ABL2: variants seen among roughly 807,000 people sequenced by gnomAD.
ABL2 encodes the protein ABL proto-oncogene 2, non-receptor tyrosine kinase.
In ABL2, 49 loss-of-function variants were observed where a neutral mutation model predicts 107.7. The observed-to-expected ratio is 0.45, with a 90% CI of 0.36 to 0.58. The LOEUF is 0.58. Ranked by LOEUF, ABL2 falls within the 20% of genes least tolerant of loss-of-function variation. The pLI is 0.00. For synonymous variants in ABL2, 549 were observed against 548.6 expected, an observed-to-expected ratio of 1.00 and a Z score of -0.01; for missense variants, 1,245 against 1,457.0, an observed-to-expected ratio of 0.85 and a Z score of 2.37.
chr1:179,205,950 A>G (rs1661948618), intron 1 of ABL2, among the ~76,000 whole-genome samples: 1 of 152,214 alleles, frequency 6.6e-6, no homozygotes, highest in African/African-American at 2.4e-5. Context: ...AGCACTTTAT[A>G]TAGCTTAACT....
intron 1 of ABL2, among the ~76,000 whole-genome samples, chr1:179,147,550 T>G (rs1658081908): frequency 6.6e-6 from 1 of 152,302 alleles, no homozygotes; most frequent in Middle Eastern, 3.4e-3. Flanking sequence ...AAGAATAAAA[T>G]CATGTATTTT....
intron 10 of ABL2, chr1:179,110,729 TG>T: frequency 6.2e-7 from 1 of 1,612,360 alleles, no homozygotes; most frequent in Non-Finnish European, 8.5e-7. Context: ...CTCCTCTTGA[TG>T]GATGTTTAGG....
intron 1 of ABL2, among the ~76,000 whole-genome samples, chr1:179,212,776 G>T (rs1204762398): frequency 6.6e-6 from 1 of 150,538 alleles, no homozygotes; most frequent in Non-Finnish European, 1.5e-5. Context: ...GCTGGGCGTG[G>T]TGGCTCATGC....
At chr1:179,143,522 A>G (rs1657770876) in intron 1 of ABL2, among the ~76,000 whole-genome samples, 1 of 152,224 alleles carries the variant, frequency 6.6e-6, no homozygotes, top group Admixed American at 6.5e-5. Flanking sequence ...ATAGTTCAAG[A>G]AACCACAAAG....
chr1:179,229,637 G>GCCGCCGCCGCCGCCGCCGCCGCCGCCA lies in ABL2; in HGVS notation c.-241_-240insTGGCGGCGGCGGCGGCGGCGGCGGCGG, dbSNP rs1558014337. The GCCGCCGCCGCCGCCGCCGCCGCCGCCA allele has an allele frequency of 8.2e-6, 4 of 485,774 alleles. No individual in the cohort carries two copies. The highest frequency in any genetic ancestry group is 1.4e-5 in the Non-Finnish European group (4 of 280,968). The allele number at this position is 485,774 out of a possible 1,614,324, so 30.1% of individuals were successfully genotyped here. A position where few individuals can be genotyped will look rare whatever the true frequency, so the allele number is the denominator to read the frequency against. On this transcript the variant is annotated 5_prime_UTR_variant, in exon 1 of 12. Coordinates refer to ENST00000502732, the MANE Select transcript of ABL2 (RefSeq NM_007314.4). The stretch of plus-strand genomic sequence containing the variant: ...GTCGCGGCTCCGCGCCCCCAACGCC[G>GCCGCCGCCGCCGCCGCCGCCGCCGCCA]CCGCCGCCGCCGCCGCCACCGCCGC...
At chr1:179,198,078 T>C (rs918657234) in intron 1 of ABL2, among the ~76,000 whole-genome samples, 20 of 147,168 alleles carry the variant, frequency 1.4e-4, no homozygotes, top group African/African-American at 5.1e-4. Context: ...CAGGCTGAAG[T>C]GCGACGGTCC....
intron 1 of ABL2, among the ~76,000 whole-genome samples, chr1:179,173,162 C>T (rs746486991): frequency 6.7e-6 from 1 of 150,086 alleles, no homozygotes; most frequent in Non-Finnish European, 1.5e-5. Context: ...TGCACTCCAG[C>T]CTGGGCGACA....
Position 179,229,596 on chromosome 1 carries a change from G to A in ABL2, c.-199C>T. On this transcript the variant is annotated 5_prime_UTR_variant, in exon 1 of 12. An upstream open reading frame in the 5' UTR gains an earlier in-frame stop. Coordinates refer to ENST00000502732, the MANE Select transcript of ABL2 (RefSeq NM_007314.4). The stretch of plus-strand genomic sequence containing the variant: ...TGCCTCCAGGCGACTCACAGATTCT[G>A]CTTTTCCCTCCTCCTGTCGCGGCTC... The A allele has an allele frequency of 1.8e-6, 1 of 556,562 alleles. No individual in the cohort carries two copies. Among genetic ancestry groups the A allele is most frequent in the African/African-American group, 2.0e-5 (1 of 49,832 alleles). The allele number at this position is 556,562 out of a possible 1,614,324, so 34.5% of individuals were successfully genotyped here.
intron 1 of ABL2, among the ~76,000 whole-genome samples, chr1:179,162,187 A>G (rs542511857): frequency 7.2e-5 from 11 of 152,376 alleles, no homozygotes; most frequent in Admixed American, 5.9e-4. Flanking sequence ...TCACAAGTCA[A>G]GTGTTCCATA....
At chr1:179,186,761 G>A (rs1007282004) in intron 1 of ABL2, among the ~76,000 whole-genome samples, 34 of 150,938 alleles carry the variant, frequency 2.3e-4, no homozygotes, top group African/African-American at 8.1e-4. Flanking sequence ...TTTATTTACA[G>A]AGTCTCGTTC....
At chr1:179,220,298 C>T (rs982256201) in intron 1 of ABL2, among the ~76,000 whole-genome samples, 1 of 152,190 alleles carries the variant, frequency 6.6e-6, no homozygotes, top group African/African-American at 2.4e-5. Flanking sequence ...TCTTCAAAAG[C>T]TCTAAAAACT....
At chr1:179,205,973 G>C (rs1166545663) in intron 1 of ABL2, among the ~76,000 whole-genome samples, 1 of 152,054 alleles carries the variant, frequency 6.6e-6, no homozygotes, top group Non-Finnish European at 1.5e-5. Context: ...TTTAATCCTT[G>C]CATCAGCCCT....
At chr1:179,162,534 G>A (rs1022117002) in intron 1 of ABL2, among the ~76,000 whole-genome samples, 4 of 152,132 alleles carry the variant, frequency 2.6e-5, no homozygotes, top group South Asian at 2.1e-4. Context: ...GCAGTGAGCC[G>A]AGATCAAGCC....
At chr1:179,207,983 G>T (rs970102921) in intron 1 of ABL2, among the ~76,000 whole-genome samples, 1 of 151,754 alleles carries the variant, frequency 6.6e-6, no homozygotes, top group East Asian at 1.9e-4. Context: ...TTTTGAATAA[G>T]TATTTTCCTG....
At position 179,104,513 on chromosome 1, in the gene ABL2, C is replaced by T; in HGVS notation, c.*3205G>A. On this transcript the variant is annotated 3_prime_UTR_variant, in exon 12 of 12. Transcript: ENST00000502732. ...TGGTAAAGGGTCTCCACTATAATGA[C>T]CTCTATGTACAGAGGTCATCTAGAA... 4.8e-6 allele frequency: 1 copy of T among 210,504 alleles called. No homozygotes were observed. The highest frequency in any genetic ancestry group is 9.6e-6 in the Non-Finnish European group (1 of 103,632). The allele number at this position is 210,504 out of a possible 1,614,324, so 13.0% of individuals were successfully genotyped here.
At chr1:179,111,497 G>A (rs1043078649) in intron 10 of ABL2, among the ~76,000 whole-genome samples, 1 of 150,962 alleles carries the variant, frequency 6.6e-6, no homozygotes, top group Non-Finnish European at 1.5e-5. Context: ...TGTTGGCCAC[G>A]CTAGTCTCCA....
intron 10 of ABL2, among the ~76,000 whole-genome samples, chr1:179,111,751 A>AC (rs1181539779): frequency 2.0e-5 from 3 of 152,170 alleles, no homozygotes; most frequent in African/African-American, 7.2e-5. Context: ...CCATGTCAAT[A>AC]TATCCAAGAA....
intron 4 of ABL2, among the ~76,000 whole-genome samples, chr1:179,124,125 C>T (rs1459650242): frequency 6.6e-6 from 1 of 151,704 alleles, no homozygotes; most frequent in Non-Finnish European, 1.5e-5. Flanking sequence ...CCTGTAGTCC[C>T]AGCTATTGAG....
chr1:179,229,643 G>GCCGCCGCCGCCGCCGCCGCCGCCA lies in ABL2; in HGVS notation c.-247_-246insTGGCGGCGGCGGCGGCGGCGGCGG, dbSNP rs1553236273. ...GCTCCGCGCCCCCAACGCCGCCGCCGCCGCCGCCGCCACCGCCGCCGCCAT... is the reference window on the plus strand; with the variant it reads ...GCTCCGCGCCCCCAACGCCGCCGCCGCCGCCGCCGCCGCCGCCGCCGCCACCGCCGCCGCCACCGCCGCCGCCAT... On this transcript the variant is annotated 5_prime_UTR_variant, in exon 1 of 12. Coordinates refer to ENST00000502732, the MANE Select transcript of ABL2 (RefSeq NM_007314.4). 2.0e-6 allele frequency: 1 copy of GCCGCCGCCGCCGCCGCCGCCGCCA among 496,556 alleles called. No individual in the cohort carries two copies. The highest frequency in any genetic ancestry group is 2.1e-5 in the African/African-American group (1 of 47,890). The allele number at this position is 496,556 out of a possible 1,614,324, so 30.8% of individuals were successfully genotyped here. A position where few individuals can be genotyped will look rare whatever the true frequency, so the allele number is the denominator to read the frequency against.
Sources: allele counts gnomAD v4.1 joint callset (sites outside exome capture counted in the v4.1 genomes callset), GRCh38; gene constraint gnomAD v4.1.1; transcripts MANE v1.5; gene names NCBI Gene and HGNC (gene_info 2026-07-23, HGNC 2026-07-21).